Variants in FAM210A observed in about 807,000 individuals in gnomAD.
FAM210A encodes the protein mitochondrial inner membrane scaffold 1.
In FAM210A, 13 loss-of-function variants were observed where a neutral mutation model predicts 25.3. That is an observed-to-expected ratio of 0.51 (90% CI 0.33 to 0.82). The LOEUF is 0.82. FAM210A is among the 40% of genes least tolerant of loss of function. The pLI is 0.02. For missense variants in FAM210A, 319 were observed against 323.2 expected (o/e 0.99, Z 0.10); for synonymous variants, 125 against 118.7 (o/e 1.05, Z -0.35).
At position 13,666,706 on chromosome 18, in the gene FAM210A, G is replaced by C; in HGVS notation, c.593C>G (p.Thr198Arg). 8 of 1,611,384 alleles carry C rather than the reference G, an allele frequency of 5.0e-6. No individual in the cohort carries two copies. The highest frequency in any genetic ancestry group is 5.9e-6 in the Non-Finnish European group (7 of 1,178,014). The change falls in exon 4 of 4, where the codon ACA (threonine) becomes AGA (arginine). Residue 198 changes from threonine (T) to arginine (R), a missense_variant. Coordinates refer to ENST00000651643, the MANE Select transcript of FAM210A (RefSeq NM_152352.4). ...CAAAGTCACGGTATACCGAGCAGGTGTTGCAATCTTAAGCAAAAAGCAAAC... is the reference window on the plus strand; with the variant it reads ...CAAAGTCACGGTATACCGAGCAGGTCTTGCAATCTTAAGCAAAAAGCAAAC... ...LTAYALFKIA[T>R]PARYTVTLGG...
At chr18:13,681,556 T>C in intron 2 of FAM210A, 49 bp downstream of exon 2, 1 of 1,405,484 alleles carries the variant, frequency 7.1e-7, no homozygotes, top group Non-Finnish European at 9.7e-7. Flanking sequence ...TTAAAAAGAT[T>C]AATATTCTGG....
At chr18:13,688,691 C>T (rs992194479) in intron 1 of FAM210A, among the ~76,000 whole-genome samples, 13 of 152,246 alleles carry the variant, frequency 8.5e-5, no homozygotes, top group Admixed American at 3.3e-4. Flanking sequence ...CCCCACGTGA[C>T]GAGCCAAAGG....
chr18:13,708,756 C>T (rs1427467551), intron 1 of FAM210A, among the ~76,000 whole-genome samples: 2 of 152,236 alleles, frequency 1.3e-5, no homozygotes, highest in Non-Finnish European at 2.9e-5. Flanking sequence ...CACTATCTCA[C>T]TTTTAGCTAC....
intron 1 of FAM210A, among the ~76,000 whole-genome samples, chr18:13,708,323 C>A (rs945665264): frequency 3.9e-5 from 6 of 152,190 alleles, no homozygotes; most frequent in Admixed American, 3.9e-4. Context: ...GGGTGTGCCA[C>A]CCTTTCGGCA....
At chr18:13,680,622 C>T (rs2043545117) in intron 2 of FAM210A, among the ~76,000 whole-genome samples, 1 of 152,148 alleles carries the variant, frequency 6.6e-6, no homozygotes, top group Non-Finnish European at 1.5e-5. Context: ...GCTTTACGTA[C>T]AACACTAACC....
In FAM210A at chr18:13,665,603, T is replaced by A. The variant is rs2043394738; in HGVS notation, c.*877A>T. On this transcript the variant is annotated 3_prime_UTR_variant, in exon 4 of 4. Transcript: ENST00000651643. Reference sequence around the variant, plus strand: ...CAGTCTCCATGAAAACCTGACTCCATTTTTAGTCTCCCAAACCTTTTTCTG... The same window carrying A: ...CAGTCTCCATGAAAACCTGACTCCAATTTTAGTCTCCCAAACCTTTTTCTG... 1 of 151,794 alleles carries A rather than the reference T, an allele frequency of 6.6e-6. No homozygotes were observed. The highest frequency in any genetic ancestry group is 1.5e-5 in the Non-Finnish European group (1 of 67,986). 9.4% of individuals were successfully genotyped at this position (151,794 alleles called of 1,614,324 possible).
intron 2 of FAM210A, among the ~76,000 whole-genome samples, chr18:13,677,266 G>A (rs2043512808): frequency 6.6e-6 from 1 of 152,094 alleles, no homozygotes; most frequent in African/African-American, 2.4e-5. Context: ...AGTAGAGACA[G>A]GGTTTCACCA....
chr18:13,725,375 G>C (rs2043932108), intron 1 of FAM210A, among the ~76,000 whole-genome samples: 1 of 152,180 alleles, frequency 6.6e-6, no homozygotes, highest in Admixed American at 6.5e-5. Context: ...TTGGTTCAAA[G>C]TTTGTAACCT....
chr18:13,673,168 C>T (rs769497454), intron 2 of FAM210A, among the ~76,000 whole-genome samples: 11 of 151,672 alleles, frequency 7.3e-5, no homozygotes, highest in Non-Finnish European at 1.3e-4. Context: ...GACCTATTTC[C>T]AGTTTCCTGA....
intron 1 of FAM210A, among the ~76,000 whole-genome samples, chr18:13,703,763 A>C (rs1470172325): frequency 6.6e-6 from 1 of 152,252 alleles, no homozygotes; most frequent in African/African-American, 2.4e-5. Context: ...ACAAGCACTT[A>C]AACATTTTGA....
chr18:13,684,431 A>C (rs1438423934), intron 1 of FAM210A, among the ~76,000 whole-genome samples: 1 of 152,166 alleles, frequency 6.6e-6, no homozygotes, highest in African/African-American at 2.4e-5. Flanking sequence ...ACTGGAGATT[A>C]ATTTCAGACA....
intron 1 of FAM210A, among the ~76,000 whole-genome samples, chr18:13,719,465 G>A (rs1159209340): frequency 6.6e-6 from 1 of 152,096 alleles, no homozygotes; most frequent in African/African-American, 2.4e-5. Context: ...GACTCATCTT[G>A]CCATTGGCAC....
At chr18:13,674,228 A>ACTT (rs1491145083) in intron 2 of FAM210A, among the ~76,000 whole-genome samples, 39 of 95,036 alleles carry the variant, frequency 4.1e-4, no homozygotes, top group East Asian at 7.8e-4. Context: ...CTGAGCCCCG[A>ACTT]CTTTATTTCC....
intron 3 of FAM210A, chr18:13,670,824 GTC>G (rs1478370033): frequency 6.6e-6 from 1 of 152,254 alleles, no homozygotes; most frequent in Non-Finnish European, 1.5e-5. Context: ...GAGAAACCCC[GTC>G]TCTACTAAAA....
At chr18:13,709,343 C>T (rs931157653) in intron 1 of FAM210A, among the ~76,000 whole-genome samples, 4 of 152,216 alleles carry the variant, frequency 2.6e-5, no homozygotes, top group African/African-American at 9.7e-5. Flanking sequence ...TCACTCTGCT[C>T]CAGCCACACT....
chr18:13,704,113 A>G (rs1363696869), intron 1 of FAM210A, among the ~76,000 whole-genome samples: 4 of 152,218 alleles, frequency 2.6e-5, no homozygotes, highest in African/African-American at 9.6e-5. Context: ...AAAAGCTGCT[A>G]AGAGTTATCA....
intron 1 of FAM210A, among the ~76,000 whole-genome samples, chr18:13,724,425 C>T (rs1196599898): frequency 6.6e-6 from 1 of 152,146 alleles, no homozygotes; most frequent in Non-Finnish European, 1.5e-5. Flanking sequence ...ATAACTATAC[C>T]ACTGGGTTCG....
In FAM210A at chr18:13,666,227, C is replaced by T; in HGVS notation, c.*253G>A. The T allele has an allele frequency of 2.4e-6, 1 of 415,776 alleles. No homozygotes were observed. Among genetic ancestry groups the T allele is most frequent in the Non-Finnish European group, 4.4e-6 (1 of 229,668 alleles). The allele number at this position is 415,776 out of a possible 1,614,324, so 25.8% of individuals were successfully genotyped here. On this transcript the variant is annotated 3_prime_UTR_variant, in exon 4 of 4. Transcript: ENST00000651643. ...TGAAGACCTTGAAAAAGAAGTCTGACTTCTAAGACATTAACCACTGCTTAA... is the reference window on the plus strand; with the variant it reads ...TGAAGACCTTGAAAAAGAAGTCTGATTTCTAAGACATTAACCACTGCTTAA...
chr18:13,672,877 G>A (rs1013212818), intron 2 of FAM210A, among the ~76,000 whole-genome samples: 7 of 152,324 alleles, frequency 4.6e-5, no homozygotes, highest in South Asian at 2.1e-4. Context: ...GCAGGTGAAG[G>A]AGCAATTAAC....
Sources: gnomAD v4.1 joint callset for allele counts (sites outside exome capture counted in the v4.1 genomes callset) on GRCh38, gnomAD v4.1.1 for gene constraint, MANE v1.5 for transcripts, NCBI Gene and HGNC (gene_info 2026-07-23, HGNC 2026-07-21) for gene names.